Variants in CSMD3 observed in about 807,000 individuals in gnomAD.
CSMD3 encodes the protein CUB and Sushi multiple domains 3.
A neutral mutation model predicts 435.2 loss-of-function variants in CSMD3; 177 were observed. That is an observed-to-expected ratio of 0.41 (90% CI 0.36 to 0.46). CSMD3 has a LOEUF of 0.46. Ranked by LOEUF, CSMD3 falls within the 20% of genes least tolerant of loss-of-function variation. The pLI is 0.34. For synonymous variants in CSMD3, 1,656 were observed against 1,520.5 expected, an observed-to-expected ratio of 1.09 and a Z score of -2.07; for missense variants, 4,265 against 4,504.6, an observed-to-expected ratio of 0.95 and a Z score of 1.52.
chr8:112,316,326 C>A (rs1419420640), intron 47 of CSMD3, among the ~76,000 whole-genome samples: 1 of 151,448 alleles, frequency 6.6e-6, no homozygotes, highest in Non-Finnish European at 1.5e-5. Flanking sequence ...GTCATTCTTT[C>A]TCCACCTAAA....
chr8:112,245,258 C>T (rs1020702721), intron 64 of CSMD3, among the ~76,000 whole-genome samples: 11 of 151,964 alleles, frequency 7.2e-5, no homozygotes, highest in East Asian at 1.9e-4. Context: ...ACCATATCTT[C>T]CCCTTATTTC....
chr8:112,557,479 G>T (rs889304663), intron 24 of CSMD3, among the ~76,000 whole-genome samples: 4 of 151,964 alleles, frequency 2.6e-5, no homozygotes, highest in African/African-American at 9.7e-5. Context: ...AGGTTGTGTT[G>T]GAACTTTCAG....
chr8:112,903,241 T>C (rs775872041), intron 10 of CSMD3, among the ~76,000 whole-genome samples: 22 of 151,174 alleles, frequency 1.5e-4, no homozygotes, highest in Middle Eastern at 3.4e-3. Flanking sequence ...ATTTTTGTTA[T>C]TGTTGTTGGA....
At chr8:112,319,722 C>G (rs1166215835) in intron 46 of CSMD3, among the ~76,000 whole-genome samples, 179 bp downstream of exon 46, 1 of 152,110 alleles carries the variant, frequency 6.6e-6, no homozygotes, top group African/African-American at 2.4e-5. Context: ...TTTTTCTTCT[C>G]TAATAATCCC....
chr8:112,475,676 C>A (rs527924025), intron 31 of CSMD3, among the ~76,000 whole-genome samples: 276 of 152,154 alleles, frequency 1.8e-3, no homozygotes, highest in African/African-American at 6.4e-3. Context: ...TTTGCACGAA[C>A]CTAATATTTA....
At chr8:112,873,007 C>T (rs1026144154) in intron 10 of CSMD3, among the ~76,000 whole-genome samples, 4 of 151,924 alleles carry the variant, frequency 2.6e-5, no homozygotes, top group Admixed American at 6.6e-5. Context: ...ACAAATTCTA[C>T]AAAAGATTCA....
chr8:112,975,820 A>G lies in CSMD3; in HGVS notation c.1342+17T>C, dbSNP rs1313578337. The G allele has an allele frequency of 6.2e-7, 1 of 1,612,358 alleles. No homozygotes were observed. On this transcript the variant is annotated intron_variant, in intron 7 of 70. Coordinates refer to ENST00000297405, the MANE Select transcript of CSMD3 (RefSeq NM_198123.2). ...TGGCTGTAACTAAATGGGCACAAGTAAAATAACATCCAATACCTCTATGAG... is the reference window on the plus strand; with the variant it reads ...TGGCTGTAACTAAATGGGCACAAGTGAAATAACATCCAATACCTCTATGAG...
At chr8:112,662,322 A>T (rs1456285197) in intron 17 of CSMD3, among the ~76,000 whole-genome samples, 1 of 151,566 alleles carries the variant, frequency 6.6e-6, no homozygotes, top group African/African-American at 2.4e-5. Flanking sequence ...TACCAAAACA[A>T]AGATATAGAC....
chr8:112,278,403 C>G (rs1321056967), intron 59 of CSMD3, among the ~76,000 whole-genome samples: 1 of 152,190 alleles, frequency 6.6e-6, no homozygotes, highest in Non-Finnish European at 1.5e-5. Flanking sequence ...CATTCAGAGA[C>G]AGGAGTATTG....
intron 10 of CSMD3, among the ~76,000 whole-genome samples, chr8:112,879,526 A>G (rs2081389335): frequency 6.6e-6 from 1 of 152,032 alleles, no homozygotes; most frequent in Non-Finnish European, 1.5e-5. Context: ...GAAGCATGTG[A>G]TCTCTGTGAC....
chr8:113,272,573 T>C (rs1031071158), intron 3 of CSMD3, among the ~76,000 whole-genome samples: 1 of 152,204 alleles, frequency 6.6e-6, no homozygotes, highest in African/African-American at 2.4e-5. Flanking sequence ...ATGTAAGAAA[T>C]GTGTTTTGCC....
intron 37 of CSMD3, 141 bp downstream of exon 37, chr8:112,383,426 A>G: frequency 1.6e-6 from 1 of 628,142 alleles, no homozygotes. Flanking sequence ...TAAATCTTTT[A>G]AACTTCAGTC....
At chr8:112,350,608 C>T (rs147859374) in intron 40 of CSMD3, among the ~76,000 whole-genome samples, 414 of 150,196 alleles carry the variant, frequency 2.8e-3, no homozygotes, top group African/African-American at 9.5e-3. Context: ...TAGTTGCACA[C>T]AAATACAAAA....
At chr8:113,246,995 G>A (rs1255141140) in intron 3 of CSMD3, among the ~76,000 whole-genome samples, 1 of 152,184 alleles carries the variant, frequency 6.6e-6, no homozygotes, top group Non-Finnish European at 1.5e-5. Context: ...AGGACCAGAA[G>A]TAGTAAGGGT....
At chr8:113,286,824 A>AGTTAT (rs1266970929) in intron 2 of CSMD3, among the ~76,000 whole-genome samples, 11 of 152,018 alleles carry the variant, frequency 7.2e-5, no homozygotes, top group Non-Finnish European at 1.5e-4. Context: ...GGTTATTAGC[A>AGTTAT]TATTGCTGCT....
intron 32 of CSMD3, among the ~76,000 whole-genome samples, chr8:112,417,993 T>G (rs1342711826): frequency 2.0e-5 from 3 of 152,186 alleles, no homozygotes; most frequent in African/African-American, 7.2e-5. Context: ...ATGCCTATAT[T>G]AGGAACTGAG....
chr8:112,416,592 T>TTA (rs1271321287), intron 32 of CSMD3, among the ~76,000 whole-genome samples: 2 of 152,156 alleles, frequency 1.3e-5, no homozygotes, highest in Non-Finnish European at 2.9e-5. Flanking sequence ...AGCTGTTACA[T>TTA]TATATAGAGG....
Position 112,894,695 on chromosome 8 carries a change from T to C in CSMD3, c.1633+26932A>G, listed in dbSNP as rs73346019. Among the ~76,000 whole-genome samples, 740 of 151,446 alleles carry C rather than the reference T, an allele frequency of 4.9e-3. 4 individuals are homozygous for C. The highest frequency in any genetic ancestry group is 0.017 in the African/African-American group (687 of 41,436). On this transcript the variant is annotated intron_variant, in intron 10 of 70. Transcript: ENST00000297405. ...CGCAACCTTCTAAAATTAAGACGGA[T>C]TTAGATGCATGGAATGAATTTATGT...
intron 13 of CSMD3, among the ~76,000 whole-genome samples, chr8:112,762,469 A>G (rs1403944169): frequency 1.3e-5 from 2 of 151,820 alleles, no homozygotes; most frequent in East Asian, 1.9e-4. Context: ...TATTTAGTAG[A>G]CCTCTTTACC....
Sources: gnomAD v4.1 joint callset for allele counts (sites outside exome capture counted in the v4.1 genomes callset) on GRCh38, gnomAD v4.1.1 for gene constraint, MANE v1.5 for transcripts, NCBI Gene and HGNC (gene_info 2026-07-23, HGNC 2026-07-21) for gene names.